The following MYLK variants were observed in gnomAD, a reference collection of about 807,000 sequenced individuals.
The protein encoded by MYLK is myosin light chain kinase, also known as myosin light chain kinase, smooth muscle.
In MYLK, 106 loss-of-function variants were observed where a neutral mutation model predicts 203.4. The ratio of observed to expected loss-of-function variants is 0.52; its 90% confidence interval spans 0.45 to 0.61. MYLK has a LOEUF of 0.61. Among genes scored for constraint, MYLK ranks in the 20% least tolerant of loss-of-function variants. MYLK has a pLI of 0.00. For synonymous variants in MYLK, 867 were observed against 959.5 expected (o/e 0.90, Z 1.78); for missense variants, 2,072 against 2,442.3 (o/e 0.85, Z 3.20).
At chr3:123,835,433 G>A (rs1396319480) in intron 2 of MYLK, among the ~76,000 whole-genome samples, 2 of 152,226 alleles carry the variant, frequency 1.3e-5, no homozygotes, top group East Asian at 3.9e-4. Context: ...GATCAGGGGT[G>A]GAAGACCTGA....
intron 4 of MYLK, among the ~76,000 whole-genome samples, chr3:123,770,277 T>C (rs564630148): frequency 1.4e-4 from 21 of 152,216 alleles, no homozygotes; most frequent in African/African-American, 4.6e-4. Flanking sequence ...TGAGCTGAGA[T>C]CATGCCATTA....
chr3:123,717,178 T>C (rs1483809461), intron 13 of MYLK, among the ~76,000 whole-genome samples: 2 of 152,256 alleles, frequency 1.3e-5, no homozygotes, highest in African/African-American at 2.4e-5. Flanking sequence ...CCATACGTTA[T>C]GTTAACTGGA....
intron 2 of MYLK, among the ~76,000 whole-genome samples, chr3:123,866,638 A>T (rs2032346137): frequency 6.6e-6 from 1 of 152,124 alleles, no homozygotes; most frequent in Non-Finnish European, 1.5e-5. Context: ...CCTCATGGAG[A>T]GGTGACTTGA....
At chr3:123,732,395 A>C (rs914441062) in intron 11 of MYLK, among the ~76,000 whole-genome samples, 1 of 152,244 alleles carries the variant, frequency 6.6e-6, no homozygotes, top group African/African-American at 2.4e-5. Flanking sequence ...TACAAATACC[A>C]CAATGGTAAG....
At chr3:123,709,652 T>C in intron 14 of MYLK, 104 bp downstream of exon 14, 1 of 1,490,912 alleles carries the variant, frequency 6.7e-7, no homozygotes, top group South Asian at 1.1e-5. Context: ...TCCCATCTGA[T>C]TTTCTGGTGG....
chr3:123,793,935 G>A (rs1044110986), intron 3 of MYLK, 91 bp from the exon 4 acceptor site: 6 of 1,467,924 alleles, frequency 4.1e-6, no homozygotes, highest in Non-Finnish European at 5.7e-6. Context: ...GTCTGGAGGT[G>A]TGGCTTTTAC....
intron 19 of MYLK, among the ~76,000 whole-genome samples, chr3:123,686,370 G>T (rs1171762929): frequency 6.8e-6 from 1 of 147,796 alleles, no homozygotes; most frequent in Non-Finnish European, 1.5e-5. Flanking sequence ...TCTGGGCAGC[G>T]TTTTTTTTTT....
intron 5 of MYLK, among the ~76,000 whole-genome samples, chr3:123,741,566 C>A (rs1027346099): frequency 3.9e-5 from 6 of 152,210 alleles, no homozygotes; most frequent in Non-Finnish European, 7.3e-5. Flanking sequence ...ACTGTCCAGT[C>A]CTCCTGGAAA....
intron 3 of MYLK, among the ~76,000 whole-genome samples, chr3:123,817,011 C>T (rs2065771432): frequency 6.6e-6 from 1 of 152,200 alleles, no homozygotes; most frequent in African/African-American, 2.4e-5. Flanking sequence ...GATTTAATAT[C>T]AGTGGCGCAG....
intron 20 of MYLK, among the ~76,000 whole-genome samples, chr3:123,679,460 G>C (rs2060188163): frequency 6.6e-6 from 1 of 152,090 alleles, no homozygotes; most frequent in Non-Finnish European, 1.5e-5. Flanking sequence ...GAGTGCAGGG[G>C]TGCAAGCAGG....
intron 3 of MYLK, among the ~76,000 whole-genome samples, chr3:123,826,422 A>G (rs2066120519): frequency 6.6e-6 from 1 of 152,234 alleles, no homozygotes; most frequent in South Asian, 2.1e-4. Flanking sequence ...CATCCCCAGC[A>G]GACATGCCCC....
Position 123,733,944 on chromosome 3 carries a change from C to G in MYLK, c.1052G>C (p.Arg351Thr), listed in dbSNP as rs1455544873. ...TSSSITLQAA[R>T]VQPEPRAPGL... ...TGGTGCTCTTGGTTCCGGCTGAACT[C>G]TTGCGGCCTGCAGGGTGATGGAGCT... Residue 351 changes from arginine to threonine, a missense_variant, in exon 10 of 34, where the codon AGA (arginine) becomes ACA (threonine). Arg to Thr is a moderately conservative substitution (Grantham distance 71, BLOSUM62 -1). Transcript: ENST00000360304. 1 of 1,614,168 alleles carries G rather than the reference C, an allele frequency of 6.2e-7. No individual in the cohort carries two copies. Among genetic ancestry groups the G allele is most frequent in the South Asian group, 1.1e-5 (1 of 91,070 alleles).
chr3:123,700,775 C>CG lies in MYLK; in HGVS notation c.2692dup (p.Arg898ProfsTer43). 1 of 1,614,198 alleles carries CG rather than the reference C, an allele frequency of 6.2e-7. No individual in the cohort carries two copies. ...ACTCACCTTCTTCCCCAGGAGGTCTCGGAAGTCCAGCTGCTCCACCTCCTG... is the reference window on the plus strand; with the variant it reads ...ACTCACCTTCTTCCCCAGGAGGTCTCGGGAAGTCCAGCTGCTCCACCTCCTG... On this transcript the variant is annotated frameshift_variant, in exon 18 of 34. Transcript: ENST00000360304. LOFTEE classifies it high-confidence loss of function.
chr3:123,680,054 G>A (rs1161346685), intron 20 of MYLK, among the ~76,000 whole-genome samples: 1 of 152,184 alleles, frequency 6.6e-6, no homozygotes, highest in Non-Finnish European at 1.5e-5. Flanking sequence ...AATTGGTCTG[G>A]GGGCAGGGGA....
intron 29 of MYLK, among the ~76,000 whole-genome samples, chr3:123,632,637 A>G (rs1254398): frequency 0.025 from 3,833 of 152,198 alleles, 68 homozygotes; most frequent in Middle Eastern, 0.088. Flanking sequence ...ATTAAAGAGC[A>G]TGTGTCTGGA....
intron 18 of MYLK, among the ~76,000 whole-genome samples, chr3:123,693,876 G>A (rs1193959609): frequency 6.6e-6 from 1 of 152,192 alleles, no homozygotes; most frequent in Non-Finnish European, 1.5e-5. Flanking sequence ...TGCCCCTGTT[G>A]TCAGGGAAGC....
chr3:123,667,776 A>G (rs954128982), intron 20 of MYLK, among the ~76,000 whole-genome samples: 13 of 152,156 alleles, frequency 8.5e-5, no homozygotes, highest in African/African-American at 2.9e-4. Context: ...TCGTGCTCCC[A>G]TAGCCCTTTT....
chr3:123,692,449 C>A, intron 19 of MYLK: 1 of 1,216,456 alleles, frequency 8.2e-7, no homozygotes, highest in Non-Finnish European at 1.1e-6. Flanking sequence ...AGTGCCCCAG[C>A]TTCCCAGCTC....
intron 5 of MYLK, among the ~76,000 whole-genome samples, chr3:123,745,003 T>C (rs1477164462): frequency 1.3e-5 from 2 of 152,216 alleles, no homozygotes; most frequent in African/African-American, 4.8e-5. Flanking sequence ...TATATATAGA[T>C]AGAAATGTTA....
Sources: gnomAD v4.1 joint callset for allele counts (sites outside exome capture counted in the v4.1 genomes callset) on GRCh38, gnomAD v4.1.1 for gene constraint, MANE v1.5 for transcripts, NCBI Gene and HGNC (gene_info 2026-07-23, HGNC 2026-07-21) for gene names.